NWD2: variants seen among roughly 807,000 people sequenced by gnomAD.
The protein encoded by NWD2 is NACHT and WD repeat domain containing 2.
NWD2 carries 37 observed loss-of-function variants against 132.7 expected under a neutral mutation model. That is an observed-to-expected ratio of 0.28 (90% CI 0.21 to 0.37). The LOEUF (loss-of-function observed/expected upper bound fraction) is 0.37, where lower values mean the gene tolerates loss of function less well. Among genes scored for constraint, NWD2 ranks in the 10% least tolerant of loss-of-function variants. The probability of loss-of-function intolerance (pLI) is 1.00; values close to 1 mark genes in which losing one functional copy is unlikely to be tolerated. For synonymous variants in NWD2, 705 were observed against 803.0 expected (o/e 0.88, Z 2.06); for missense variants, 1,592 against 2,122.4 (o/e 0.75, Z 4.91).
Position 37,344,703 on chromosome 4 carries a change from T to C in NWD2, c.241-11663T>C, listed in dbSNP as rs565000769. Among the ~76,000 whole-genome samples the C allele has an allele frequency of 2.0e-5, 3 of 152,336 alleles. No homozygotes were observed. In the East Asian group the frequency reaches 5.8e-4, roughly 29 times the overall value. ...GGTGTGTATGGTATTATTTTTTAAA[T>C]AGCTTTATTGAGATATAATTCACAT... On this transcript the variant is annotated intron_variant, in intron 2 of 6. Transcript: ENST00000309447.
At chr4:37,414,313 G>A (rs936616940) in intron 3 of NWD2, among the ~76,000 whole-genome samples, 1 of 151,936 alleles carries the variant, frequency 6.6e-6, no homozygotes, top group Non-Finnish European at 1.5e-5. Flanking sequence ...GGCTTGTTAT[G>A]CTATTATCTG....
intron 4 of NWD2, among the ~76,000 whole-genome samples, chr4:37,432,483 G>A (rs1423702179): frequency 6.6e-6 from 1 of 151,790 alleles, no homozygotes; most frequent in Non-Finnish European, 1.5e-5. Flanking sequence ...CTGCTTTCCA[G>A]AAGATAGCTT....
intron 1 of NWD2, among the ~76,000 whole-genome samples, chr4:37,284,994 A>G (rs904215890): frequency 6.6e-6 from 1 of 152,090 alleles, no homozygotes; most frequent in Admixed American, 6.6e-5. Flanking sequence ...CTTCACAACT[A>G]GATATTTACT....
At chr4:37,321,809 C>G (rs2109286001) in intron 1 of NWD2, among the ~76,000 whole-genome samples, 1 of 152,186 alleles carries the variant, frequency 6.6e-6, no homozygotes, top group South Asian at 2.1e-4. Flanking sequence ...ATGGGAAAAT[C>G]TAAGTCAATT....
intron 2 of NWD2, among the ~76,000 whole-genome samples, chr4:37,333,318 A>G (rs1233902179): frequency 6.6e-6 from 1 of 152,192 alleles, no homozygotes; most frequent in Admixed American, 6.5e-5. Flanking sequence ...TGTCTAACCT[A>G]GCATAGTCCC....
At chr4:37,371,495 C>T (rs922694514) in intron 3 of NWD2, among the ~76,000 whole-genome samples, 1 of 152,140 alleles carries the variant, frequency 6.6e-6, no homozygotes, top group African/African-American at 2.4e-5. Context: ...GTTCAGAAAA[C>T]AAAGCTGTGC....
intron 2 of NWD2, 91 bp downstream of exon 2, chr4:37,326,115 GT>G: frequency 1.3e-6 from 1 of 773,324 alleles, no homozygotes; most frequent in Non-Finnish European, 2.1e-6. Flanking sequence ...TAAAAGACAA[GT>G]TTTAGGCCCT....
chr4:37,316,631 C>T (rs1416803693), intron 1 of NWD2, among the ~76,000 whole-genome samples: 1 of 152,058 alleles, frequency 6.6e-6, no homozygotes, highest in Non-Finnish European at 1.5e-5. Context: ...TGATGGTTTT[C>T]CACAGGTGTC....
At chr4:37,395,806 C>T (rs941550894) in intron 3 of NWD2, among the ~76,000 whole-genome samples, 14 of 151,342 alleles carry the variant, frequency 9.3e-5, no homozygotes, top group African/African-American at 3.1e-4. Context: ...CAGCCTGTTG[C>T]CCAGGCTGGA....
chr4:37,293,885 T>A (rs1390145310), intron 1 of NWD2, among the ~76,000 whole-genome samples: 2 of 146,614 alleles, frequency 1.4e-5, no homozygotes, highest in East Asian at 2.0e-4. Flanking sequence ...ACACTGCATT[T>A]AAAAAAAAAA....
chr4:37,325,106 G>A (rs1031041085), intron 1 of NWD2, among the ~76,000 whole-genome samples: 3 of 152,124 alleles, frequency 2.0e-5, no homozygotes, highest in African/African-American at 7.2e-5. Context: ...GAATCTTACA[G>A]TGCCATCATC....
chr4:37,298,598 TAGG>T (rs1196188033), intron 1 of NWD2, among the ~76,000 whole-genome samples: 5 of 152,016 alleles, frequency 3.3e-5, no homozygotes, highest in Non-Finnish European at 5.9e-5. Context: ...GGCAGATGGA[TAGG>T]AGAAAAGAGA....
chr4:37,300,036 T>C (rs1489360793), intron 1 of NWD2, among the ~76,000 whole-genome samples: 1 of 152,174 alleles, frequency 6.6e-6, no homozygotes, highest in Admixed American at 6.6e-5. Context: ...TTGTTCATGC[T>C]GCTATGTCTT....
chr4:37,343,115 A>G (rs1719563295), intron 2 of NWD2, among the ~76,000 whole-genome samples: 1 of 152,220 alleles, frequency 6.6e-6, no homozygotes, highest in African/African-American at 2.4e-5. Context: ...GGCTTATACC[A>G]CATGTATAAA....
At chr4:37,420,370 A>G (rs1264328226) in intron 3 of NWD2, among the ~76,000 whole-genome samples, 1 of 152,156 alleles carries the variant, frequency 6.6e-6, no homozygotes, top group Non-Finnish European at 1.5e-5. Flanking sequence ...TAATCCATGC[A>G]GGTATCTGAC....
At chr4:37,380,562 T>C (rs764882) in intron 3 of NWD2, among the ~76,000 whole-genome samples, 12,119 of 152,272 alleles carry the variant, frequency 0.08, 632 homozygotes, top group Middle Eastern at 0.14. Context: ...GTCTTACCCA[T>C]AGTATGCCTT....
At chr4:37,379,246 C>T (rs112583292) in intron 3 of NWD2, among the ~76,000 whole-genome samples, 222 of 152,230 alleles carry the variant, frequency 1.5e-3, no homozygotes, top group African/African-American at 5.1e-3. Flanking sequence ...CCAATGTAGT[C>T]GGTCAAATCT....
intron 1 of NWD2, among the ~76,000 whole-genome samples, chr4:37,282,432 T>C (rs1718146563): frequency 6.6e-6 from 1 of 152,226 alleles, no homozygotes; most frequent in Non-Finnish European, 1.5e-5. Context: ...TCTGCTCTGA[T>C]ACTATTTTTG....
At chr4:37,390,096 TA>T (rs1720650384) in intron 3 of NWD2, among the ~76,000 whole-genome samples, 1 of 152,186 alleles carries the variant, frequency 6.6e-6, no homozygotes, top group South Asian at 2.1e-4. Context: ...AGCCAAATCA[TA>T]AGCATTTTGT....
Sources: gnomAD v4.1 joint callset for allele counts (sites outside exome capture counted in the v4.1 genomes callset) on GRCh38, gnomAD v4.1.1 for gene constraint, MANE v1.5 for transcripts, NCBI Gene and HGNC (gene_info 2026-07-23, HGNC 2026-07-21) for gene names.